Variants in GSAP observed in about 807,000 individuals in gnomAD.
GSAP encodes the protein gamma-secretase activating protein.
Under a neutral mutation model 131.7 loss-of-function variants are expected in GSAP, and 118 were observed. The ratio of observed to expected loss-of-function variants is 0.90; its 90% CI spans 0.77 to 1.04. The LOEUF (loss-of-function observed/expected upper bound fraction) is 1.04, where lower values mean the gene tolerates loss of function less well. Among genes scored for constraint, GSAP ranks in the 50% least tolerant of loss-of-function variants. The pLI is 0.00. For synonymous variants in GSAP, 381 were observed against 363.4 expected, an observed-to-expected ratio of 1.05 and a Z score of -0.55; for missense variants, 1,019 against 1,013.2, an observed-to-expected ratio of 1.01 and a Z score of -0.08.
At chr7:77,416,175 C>T in intron 1 of GSAP, 38 bp downstream of exon 1, 1 of 1,101,418 alleles carries the variant, frequency 9.1e-7, no homozygotes, top group Non-Finnish European at 1.2e-6. Context: ...GACTCCCACT[C>T]CCCGCCCCCA....
chr7:77,326,519 G>T (rs1788351399), intron 22 of GSAP: 3 of 382,124 alleles, frequency 7.9e-6, no homozygotes, highest in Non-Finnish European at 1.4e-5. Flanking sequence ...CTCTAGCTTT[G>T]ATTTTTGTTC....
At chr7:77,371,431 C>CTTTTTTTT (rs71085450) in intron 12 of GSAP, among the ~76,000 whole-genome samples, 3 of 142,978 alleles carry the variant, frequency 2.1e-5, no homozygotes, top group South Asian at 2.2e-4. Flanking sequence ...CATCTTTTTT[C>CTTTTTTTT]TTTTTTTTTT....
At chr7:77,331,550 CTCAA>C (rs1224610207) in intron 19 of GSAP, among the ~76,000 whole-genome samples, 1 of 152,138 alleles carries the variant, frequency 6.6e-6, no homozygotes, top group Non-Finnish European at 1.5e-5. Flanking sequence ...ACAAAAACAC[CTCAA>C]TCAAGAAAAA....
intron 19 of GSAP, among the ~76,000 whole-genome samples, chr7:77,349,094 G>A (rs986882215): frequency 1.9e-4 from 29 of 152,168 alleles, no homozygotes; most frequent in African/African-American, 7.0e-4. Flanking sequence ...TGCTGGTTCT[G>A]GAAGGTTTAA....
At chr7:77,342,385 G>T (rs1000988431) in intron 19 of GSAP, among the ~76,000 whole-genome samples, 3 of 152,052 alleles carry the variant, frequency 2.0e-5, no homozygotes, top group Non-Finnish European at 4.4e-5. Flanking sequence ...CCCAACTCTG[G>T]TGCCAACTTG....
chr7:77,363,662 T>A (rs1410463245), intron 12 of GSAP, among the ~76,000 whole-genome samples: 1 of 152,346 alleles, frequency 6.6e-6, no homozygotes, highest in East Asian at 1.9e-4. Context: ...TCTGTTATAA[T>A]ATTTATCAAT....
At chr7:77,377,258 A>AAAAAAAAAAAAAAAAAAAAAC in intron 9 of GSAP, 28 bp downstream of exon 9, 1 of 1,400,742 alleles carries the variant, frequency 7.1e-7, no homozygotes, top group Non-Finnish European at 9.4e-7. Flanking sequence ...AAAAAAAAAA[A>AAAAAAAAAAAAAAAAAAAAAC]GGAGTGCCCG....
chr7:77,341,021 AT>A (rs2150756908), intron 19 of GSAP, among the ~76,000 whole-genome samples: 1 of 152,178 alleles, frequency 6.6e-6, no homozygotes, highest in East Asian at 1.9e-4. Context: ...TAAGCATCTT[AT>A]TTTCTTGTGT....
chr7:77,351,411 T>C, intron 18 of GSAP: 1 of 981,208 alleles, frequency 1.0e-6, no homozygotes, highest in Non-Finnish European at 1.2e-6. Context: ...CTGTGGAAAC[T>C]TTTTATTAAG....
chr7:77,318,155 A>G (rs79432488), intron 26 of GSAP, among the ~76,000 whole-genome samples: 13,880 of 152,240 alleles, frequency 0.091, 779 homozygotes, highest in Non-Finnish European at 0.11. Context: ...CTGGATTTGA[A>G]TATCAGCTCT....
chr7:77,329,620 A>T, intron 20 of GSAP: 1 of 296,858 alleles, frequency 3.4e-6, no homozygotes. Flanking sequence ...CAACAACACT[A>T]ATCTACATGC....
chr7:77,380,157 G>A (rs569879783), intron 8 of GSAP: 2 of 153,120 alleles, frequency 1.3e-5, no homozygotes, highest in Admixed American at 1.3e-4. Flanking sequence ...AGGAGAAGAT[G>A]CTGAAATGCA....
intron 16 of GSAP, among the ~76,000 whole-genome samples, chr7:77,354,185 A>G (rs969963338): frequency 5.3e-5 from 8 of 152,200 alleles, no homozygotes; most frequent in African/African-American, 1.9e-4. Context: ...GCACTGACAG[A>G]TATTATAAGG....
At chr7:77,338,931 G>A (rs201350595) in intron 19 of GSAP, among the ~76,000 whole-genome samples, 8 of 151,874 alleles carry the variant, frequency 5.3e-5, no homozygotes, top group South Asian at 2.1e-4. Context: ...ACACACCCCC[G>A]CCCCTCTCCT....
rs547234612 is a variant in GSAP, at chr7:77,362,785, C to A, written c.872-125G>T. On this transcript the variant is annotated intron_variant, in intron 12 of 30. Coordinates refer to ENST00000257626, the MANE Select transcript of GSAP (RefSeq NM_017439.4). ...GTCTCATCTTACCTCATAGATTATT[C>A]CCAAGTCCTAGAAGTGGTCTATTAA... The A allele has an allele frequency of 8.4e-4, 528 of 630,754 alleles. 1 individual carries two copies. The highest frequency in any genetic ancestry group is 3.5e-3 in the Middle Eastern group (10 of 2,828). 39.1% of individuals were successfully genotyped at this position (630,754 alleles called of 1,614,324 possible).
intron 9 of GSAP, 49 bp downstream of exon 9, chr7:77,377,237 T>TGTAAAAAAA (rs759012113): frequency 2.2e-6 from 2 of 894,478 alleles, no homozygotes; most frequent in African/African-American, 5.2e-5. Context: ...AATATTTTTG[T>TGTAAAAAAA]AAAAAAAAAA....
chr7:77,373,255 A>T (rs953711544), intron 12 of GSAP, among the ~76,000 whole-genome samples: 4 of 152,204 alleles, frequency 2.6e-5, no homozygotes, highest in Non-Finnish European at 5.9e-5. Flanking sequence ...CCAAATAGTA[A>T]CCTTTACGCT....
chr7:77,364,876 T>C (rs1305777692), intron 12 of GSAP, among the ~76,000 whole-genome samples: 1 of 152,188 alleles, frequency 6.6e-6, no homozygotes, highest in East Asian at 1.9e-4. Flanking sequence ...TCTTTGACAA[T>C]GGAAATGTTA....
intron 26 of GSAP, among the ~76,000 whole-genome samples, chr7:77,317,206 G>A (rs888377469): frequency 6.6e-6 from 1 of 152,150 alleles, no homozygotes; most frequent in Non-Finnish European, 1.5e-5. Flanking sequence ...AAAAGAGGAT[G>A]AGTTCATGTC....
Sources: allele counts gnomAD v4.1 joint callset (sites outside exome capture counted in the v4.1 genomes callset), GRCh38; gene constraint gnomAD v4.1.1; transcripts MANE v1.5; gene names NCBI Gene and HGNC (gene_info 2026-07-23, HGNC 2026-07-21).